VPS4B: variants seen among roughly 807,000 people sequenced by gnomAD.
VPS4B encodes the protein vacuolar protein sorting 4 homolog B, also known as vacuolar protein sorting-associated protein 4B.
A neutral mutation model predicts 56.1 loss-of-function variants in VPS4B; 23 were observed. The ratio of observed to expected loss-of-function variants is 0.41; its 90% CI spans 0.30 to 0.58. VPS4B has a LOEUF of 0.58. Among genes scored for constraint, VPS4B ranks in the 20% least tolerant of loss-of-function variants. VPS4B has a pLI of 0.29. For missense variants in VPS4B, 372 were observed against 531.9 expected, an observed-to-expected ratio of 0.70 and a Z score of 2.96; for synonymous variants, 177 against 186.0, an observed-to-expected ratio of 0.95 and a Z score of 0.39.
chr18:63,419,475 C>T (rs997808271), intron 1 of VPS4B, among the ~76,000 whole-genome samples: 3 of 152,030 alleles, frequency 2.0e-5, no homozygotes, highest in African/African-American at 7.2e-5. Flanking sequence ...CAATTTTTCT[C>T]CTTTGATCAA....
intron 1 of VPS4B, among the ~76,000 whole-genome samples, chr18:63,414,701 C>A (rs372886127): frequency 4.6e-5 from 7 of 152,210 alleles, no homozygotes; most frequent in African/African-American, 1.7e-4. Context: ...TCCCAAAGTG[C>A]TGGGATAACA....
intron 5 of VPS4B, 148 bp downstream of exon 5, chr18:63,403,559 A>T: frequency 2.2e-6 from 2 of 902,628 alleles, no homozygotes; most frequent in Non-Finnish European, 3.2e-6. Flanking sequence ...AAGAAATAAA[A>T]CATCTTGTAT....
intron 1 of VPS4B, chr18:63,416,098 T>C (rs1439040067): frequency 1.2e-5 from 2 of 169,702 alleles, no homozygotes; most frequent in African/African-American, 4.8e-5. Flanking sequence ...TATGATATTG[T>C]GCAGTGTGTC....
chr18:63,404,777 T>C (rs886528271), intron 4 of VPS4B: 2 of 152,208 alleles, frequency 1.3e-5, no homozygotes, highest in Non-Finnish European at 2.9e-5. Context: ...TCACTGCTAC[T>C]GATTGTTTCT....
intron 4 of VPS4B, 198 bp downstream of exon 4, chr18:63,407,234 A>T: frequency 1.9e-6 from 1 of 536,420 alleles, no homozygotes; most frequent in Non-Finnish European, 3.3e-6. Flanking sequence ...CTATTACATA[A>T]AAAAGACCAA....
intron 7 of VPS4B, among the ~76,000 whole-genome samples, chr18:63,399,615 A>G (rs1354143247): frequency 6.6e-6 from 1 of 152,226 alleles, no homozygotes; most frequent in Admixed American, 6.5e-5. Context: ...AAGTCTACAT[A>G]TTACTTTTAC....
chr18:63,416,703 C>T (rs1916173565), intron 1 of VPS4B, among the ~76,000 whole-genome samples: 1 of 152,116 alleles, frequency 6.6e-6, no homozygotes, highest in African/African-American at 2.4e-5. Flanking sequence ...CTGAAATAAC[C>T]TGGGCCCTAG....
chr18:63,414,917 CCAAA>C (rs1181099231), intron 1 of VPS4B, among the ~76,000 whole-genome samples: 1 of 152,180 alleles, frequency 6.6e-6, no homozygotes, highest in Non-Finnish European at 1.5e-5. Flanking sequence ...GCATCTAGCT[CCAAA>C]CATAGTGCTA....
chr18:63,411,333 A>G lies in VPS4B; in HGVS notation c.139+134T>C, dbSNP rs1439776222. 7 of 587,652 alleles carry G rather than the reference A, an allele frequency of 1.2e-5. No homozygotes were observed. In the East Asian group the frequency reaches 2.3e-4, roughly 19 times the overall value. The allele number at this position is 587,652 out of a possible 1,614,324, so 36.4% of individuals were successfully genotyped here. ...TCAATACTTAAAAATCACTAGAAAG[A>G]AAGTGGAGTATTTTTTTTTTTTAAC... On this transcript the variant is annotated intron_variant, in intron 2 of 10. Coordinates refer to ENST00000238497, the MANE Select transcript of VPS4B (RefSeq NM_004869.4).
chr18:63,411,219 A>G (rs539147171), intron 2 of VPS4B, among the ~76,000 whole-genome samples: 1 of 152,320 alleles, frequency 6.6e-6, no homozygotes. Flanking sequence ...ATGTCTCCTA[A>G]CCTATTTTCC....
intron 1 of VPS4B, among the ~76,000 whole-genome samples, chr18:63,413,954 A>C (rs1393084972): frequency 3.9e-5 from 6 of 152,206 alleles, no homozygotes; most frequent in Non-Finnish European, 7.3e-5. Context: ...CTAAATTCAA[A>C]GCTAAATTTT....
At chr18:63,400,258 A>C in intron 6 of VPS4B, 62 bp from the exon 7 acceptor site, 1 of 1,474,990 alleles carries the variant, frequency 6.8e-7, no homozygotes, top group Non-Finnish European at 9.1e-7. Flanking sequence ...ACAAAGTAAT[A>C]TATCAATATT....
At chr18:63,413,258 C>A (rs1916085493) in intron 1 of VPS4B, among the ~76,000 whole-genome samples, 1 of 152,210 alleles carries the variant, frequency 6.6e-6, no homozygotes, top group Admixed American at 6.5e-5. Context: ...AAAGGGAATG[C>A]TGGATTCTCA....
chr18:63,411,679 C>A, intron 1 of VPS4B, 101 bp from the exon 2 acceptor site: 1 of 739,866 alleles, frequency 1.4e-6, no homozygotes, highest in Non-Finnish European at 1.9e-6. Context: ...TAAAGCTTCT[C>A]AGCTTGCTGG....
chr18:63,392,455 T>C (rs1009083174), intron 10 of VPS4B, among the ~76,000 whole-genome samples: 5 of 152,192 alleles, frequency 3.3e-5, no homozygotes, highest in African/African-American at 1.2e-4. Flanking sequence ...GTTTTTGTTG[T>C]TGTTGTTTTT....
rs1335212342 is a variant in VPS4B at position 63,397,262 on chromosome 18, AG to A, written c.873-10del. ...AAATTCGTTTCTCAAATCTTAAAAG[AG>A]AAATTACATCAAGAATATATTTAAT... On this transcript the variant is annotated splice_polypyrimidine_tract_variant and intron_variant, in intron 8 of 10. Coordinates refer to ENST00000238497, the MANE Select transcript of VPS4B (RefSeq NM_004869.4). The A allele has an allele frequency of 1.3e-6, 2 of 1,593,004 alleles. No homozygotes were observed. The highest frequency in any genetic ancestry group is 2.7e-5 in the African/African-American group (2 of 73,848).
chr18:63,407,365 C>A, intron 4 of VPS4B, 67 bp downstream of exon 4: 1 of 1,346,592 alleles, frequency 7.4e-7, no homozygotes, highest in South Asian at 1.3e-5. Context: ...AAAAACAATT[C>A]AAATAGACAA....
intron 4 of VPS4B, among the ~76,000 whole-genome samples, chr18:63,405,805 A>C (rs924335029): frequency 6.6e-6 from 1 of 150,812 alleles, no homozygotes; most frequent in African/African-American, 2.5e-5. Flanking sequence ...AAAAACAAAC[A>C]AACAAACAAA....
intron 9 of VPS4B, 158 bp downstream of exon 9, chr18:63,396,876 G>A (rs2144413596): frequency 6.2e-6 from 4 of 644,382 alleles, no homozygotes; most frequent in Non-Finnish European, 1.1e-5. Context: ...TGTAATTCCA[G>A]CTACTCAGGA....
Sources: allele counts gnomAD v4.1 joint callset (sites outside exome capture counted in the v4.1 genomes callset), GRCh38; gene constraint gnomAD v4.1.1; transcripts MANE v1.5; gene names NCBI Gene and HGNC (gene_info 2026-07-23, HGNC 2026-07-21).